The following RRBP1 variants were observed in gnomAD, a reference collection of about 807,000 sequenced individuals.
RRBP1 encodes the protein ribosome binding protein 1.
Under a neutral mutation model 165.2 loss-of-function variants are expected in RRBP1, and 94 were observed. The observed-to-expected ratio is 0.57, with a 90% CI of 0.48 to 0.68. RRBP1 has a LOEUF of 0.68. Ranked by LOEUF, RRBP1 falls within the 30% of genes least tolerant of loss-of-function variation. The probability of loss-of-function intolerance (pLI) is 0.00; values close to 1 mark genes in which losing one functional copy is unlikely to be tolerated. For missense variants in RRBP1, 1,676 were observed against 1,763.0 expected, an observed-to-expected ratio of 0.95 and a Z score of 0.88; for synonymous variants, 680 against 714.5, an observed-to-expected ratio of 0.95 and a Z score of 0.77.
intron 10 of RRBP1, 49 bp from the exon 11 acceptor site, chr20:17,627,431 G>A (rs763023575): frequency 2.4e-5 from 39 of 1,612,058 alleles, no homozygotes; most frequent in South Asian, 8.8e-5. Context: ...CTCATCTCAC[G>A]CAGCGGGGCT....
chr20:17,620,364 C>G lies in RRBP1; in HGVS notation c.3514G>C (p.Val1172Leu). 1 of 1,613,682 alleles carries G rather than the reference C, an allele frequency of 6.2e-7. No individual in the cohort carries two copies. The highest frequency in any genetic ancestry group is 1.1e-5 in the South Asian group (1 of 91,068). The change falls in exon 18 of 25, where the codon GTC (valine) becomes CTC (leucine). Residue 1172 changes from valine (V) to leucine (L), a missense_variant. Physicochemically the swap from Val to Leu is conservative, Grantham distance 32. Coordinates refer to ENST00000377813, the MANE Select transcript of RRBP1 (RefSeq NM_001365613.2). Reference sequence around the variant, plus strand: ...ATCTCTTCGAGATGCTTCACTGTGACCCGGGACTACAAAGCAAGGGGAAGG... The same window carrying G: ...ATCTCTTCGAGATGCTTCACTGTGAGCCGGGACTACAAAGCAAGGGGAAGG... ...AAEEELQKSR[V>L]TVKHLEEIVE...
chr20:17,681,097 G>A (rs1568795729), intron 1 of RRBP1, among the ~76,000 whole-genome samples: 1 of 151,606 alleles, frequency 6.6e-6, no homozygotes, highest in Non-Finnish European at 1.5e-5. Context: ...AGAGCCGGCC[G>A]GGCCGGGGCG....
At chr20:17,626,652 G>A (rs1047660331) in intron 11 of RRBP1, among the ~76,000 whole-genome samples, 12 of 152,126 alleles carry the variant, frequency 7.9e-5, no homozygotes, top group African/African-American at 1.7e-4. Context: ...TAGCCACGGC[G>A]GCCAGGACCT....
chr20:17,627,456 CTA>C (rs2036049422), intron 10 of RRBP1, 46 bp downstream of exon 10: 13 of 1,608,408 alleles, frequency 8.1e-6, no homozygotes, highest in Non-Finnish European at 1.1e-5. Flanking sequence ...CACCCACCTG[CTA>C]GATGGAGTTC....
intron 19 of RRBP1, chr20:17,619,235 A>G (rs998556071): frequency 5.4e-6 from 1 of 186,100 alleles, no homozygotes; most frequent in African/African-American, 2.4e-5. Flanking sequence ...TTTGAGATTA[A>G]ACCAGAATTG....
chr20:17,679,326 C>T (rs1287560498), intron 2 of RRBP1, among the ~76,000 whole-genome samples: 1 of 152,232 alleles, frequency 6.6e-6, no homozygotes, highest in East Asian at 1.9e-4. Context: ...CCTGGTATAA[C>T]CAATATTTAT....
chr20:17,668,389 T>C (rs2036910539), intron 2 of RRBP1, among the ~76,000 whole-genome samples: 1 of 152,240 alleles, frequency 6.6e-6, no homozygotes, highest in African/African-American at 2.4e-5. Context: ...TTTCTACCTC[T>C]AACAGTGATT....
intron 1 of RRBP1, among the ~76,000 whole-genome samples, chr20:17,681,373 T>G (rs1317082894): frequency 6.8e-6 from 1 of 146,740 alleles, no homozygotes; most frequent in South Asian, 2.1e-4. Flanking sequence ...GTCCGTGCCA[T>G]GGACAGACCC....
intron 4 of RRBP1, 118 bp downstream of exon 4, chr20:17,642,861 C>A: frequency 8.5e-7 from 1 of 1,171,442 alleles, no homozygotes; most frequent in Non-Finnish European, 1.2e-6. Flanking sequence ...AGAATTCTGC[C>A]AGGAAAGAGA....
At chr20:17,664,636 A>G (rs1020601864) in intron 2 of RRBP1, among the ~76,000 whole-genome samples, 1 of 152,244 alleles carries the variant, frequency 6.6e-6, no homozygotes, top group Non-Finnish European at 1.5e-5. Context: ...CTTTAGACAC[A>G]GAAGATATCT....
Position 17,614,192 on chromosome 20 carries a change from G to A in RRBP1, c.4223C>T (p.Thr1408Ile), listed in dbSNP as rs925472290. The change falls in exon 25 of 25, where the codon ACC becomes ATC. Residue 1408 changes from threonine (T) to isoleucine (I), a missense_variant. Around this residue, in one of 5 missense-constraint regions of RRBP1, gnomAD observed 1,184 missense variants for 1,167.1 expected, o/e 1.01. Coordinates refer to ENST00000377813, the MANE Select transcript of RRBP1 (RefSeq NM_001365613.2). The part of the protein sequence containing the change: ...AEDGSSSKEG[T>I]SV ...TTCCAAAGAGGAAACTCAGACAGAG[G>A]TGCCCTCCTTTGAGCTGCTGCCGTC... The A allele has an allele frequency of 6.8e-6, 11 of 1,613,816 alleles. No homozygotes were observed. Among genetic ancestry groups the A allele is most frequent in the Non-Finnish European group, 7.6e-6 (9 of 1,180,002 alleles).
intron 8 of RRBP1, among the ~76,000 whole-genome samples, chr20:17,632,169 TCA>T (rs1229319741): frequency 1.4e-4 from 22 of 152,302 alleles, no homozygotes; most frequent in Admixed American, 1.3e-3. Flanking sequence ...TCACTGTCAA[TCA>T]CAGACTTGAC....
chr20:17,636,842 C>T (rs2036257810), intron 5 of RRBP1, 113 bp from the exon 6 acceptor site: 2 of 1,326,838 alleles, frequency 1.5e-6, no homozygotes, highest in African/African-American at 1.4e-5. Flanking sequence ...AGCACAGACC[C>T]CTCCTGCTGG....
intron 24 of RRBP1, among the ~76,000 whole-genome samples, chr20:17,614,522 C>G (rs917223630): frequency 6.6e-6 from 1 of 152,154 alleles, no homozygotes; most frequent in East Asian, 1.9e-4. Flanking sequence ...GCAAGGGAAC[C>G]CCAGAAGGGT....
Position 17,619,618 on chromosome 20 carries a change from G to A in RRBP1, c.3675+15C>T. 2 of 1,593,950 alleles carry A rather than the reference G, an allele frequency of 1.3e-6. No individual in the cohort carries two copies. The highest frequency in any genetic ancestry group is 1.7e-6 in the Non-Finnish European group (2 of 1,166,286). On this transcript the variant is annotated intron_variant, in intron 19 of 24. Coordinates refer to ENST00000377813, the MANE Select transcript of RRBP1 (RefSeq NM_001365613.2). ...CTGCTGGGCAGGGGCTGCACTCCTT[G>A]GGGGGCAGACTCACCCCTGCCACCT...
At chr20:17,618,452 C>G in intron 20 of RRBP1, 144 bp downstream of exon 20, 1 of 698,018 alleles carries the variant, frequency 1.4e-6, no homozygotes, top group Non-Finnish European at 2.5e-6. Flanking sequence ...CCCCAGAAGC[C>G]GGCCCCATGC....
chr20:17,646,079 G>A (rs1312830632), intron 3 of RRBP1, among the ~76,000 whole-genome samples: 1 of 152,174 alleles, frequency 6.6e-6, no homozygotes, highest in African/African-American at 2.4e-5. Flanking sequence ...AGGCCCTGCA[G>A]GAATGGGACA....
chr20:17,648,560 A>G (rs374139065), intron 3 of RRBP1, among the ~76,000 whole-genome samples: 49 of 152,384 alleles, frequency 3.2e-4, no homozygotes, highest in African/African-American at 1.2e-3. Flanking sequence ...AGCTCAGTAC[A>G]AATAATGTCA....
chr20:17,619,459 C>T (rs548959530), intron 19 of RRBP1, 174 bp downstream of exon 19: 24 of 516,072 alleles, frequency 4.7e-5, no homozygotes, highest in Admixed American at 7.5e-5. Context: ...CTGAGAGACA[C>T]CTCAGGCCTG....
Sources: allele counts gnomAD v4.1 joint callset (sites outside exome capture counted in the v4.1 genomes callset), GRCh38; gene constraint gnomAD v4.1.1; regional missense constraint gnomAD v4.1.1; transcripts MANE v1.5; gene names NCBI Gene and HGNC (gene_info 2026-07-23, HGNC 2026-07-21).